FHIT: variants seen among roughly 807,000 people sequenced by gnomAD.
FHIT encodes the protein fragile histidine triad diadenosine triphosphatase, also known as bis(5'-adenosyl)-triphosphatase.
FHIT carries 19 observed loss-of-function variants against 17.9 expected under a neutral mutation model. The ratio of observed to expected loss-of-function variants is 1.06; its 90% CI spans 0.74 to 1.56. The LOEUF is 1.56. Among genes scored for constraint, FHIT ranks in the 40% most tolerant of loss-of-function variants. FHIT has a pLI of 0.00. For synonymous variants in FHIT, 81 were observed against 69.7 expected (o/e 1.16, Z -0.81); for missense variants, 248 against 189.2 (o/e 1.31, Z -1.82).
chr3:60,476,417 T>A (rs777885485), intron 5 of FHIT, among the ~76,000 whole-genome samples: 1 of 152,176 alleles, frequency 6.6e-6, no homozygotes, highest in Non-Finnish European at 1.5e-5. Flanking sequence ...GAAACTTTAT[T>A]TGAAAAAGTA....
intron 1 of FHIT, among the ~76,000 whole-genome samples, chr3:61,246,440 C>T (rs1006729206): frequency 6.6e-6 from 1 of 152,130 alleles, no homozygotes; most frequent in Non-Finnish European, 1.5e-5. Flanking sequence ...AGCTATACAT[C>T]CATACTTTTA....
chr3:60,470,058 T>TTCTTTCTCTCTCTCTCTC (rs1323971036), intron 5 of FHIT, among the ~76,000 whole-genome samples: 18 of 142,938 alleles, frequency 1.3e-4, no homozygotes, highest in African/African-American at 4.6e-4. Flanking sequence ...CTCTCTTTCT[T>TTCTTTCTCTCTCTCTCTC]TCTCTCTCTC....
chr3:60,517,181 G>T (rs574431293), intron 5 of FHIT, among the ~76,000 whole-genome samples: 26 of 152,260 alleles, frequency 1.7e-4, no homozygotes, highest in African/African-American at 6.0e-4. Flanking sequence ...TTAGGGTTAA[G>T]TTAAATATAT....
chr3:59,933,947 A>G (rs1405999423), intron 7 of FHIT, among the ~76,000 whole-genome samples: 1 of 152,160 alleles, frequency 6.6e-6, no homozygotes, highest in African/African-American at 2.4e-5. Flanking sequence ...GAAACCTCCA[A>G]CATGTTCAGA....
At chr3:60,754,361 T>A (rs1329711577) in intron 4 of FHIT, among the ~76,000 whole-genome samples, 21 of 152,304 alleles carry the variant, frequency 1.4e-4, no homozygotes, top group African/African-American at 4.8e-4. Context: ...ACAGGGGGAA[T>A]CTCACATACG....
intron 5 of FHIT, among the ~76,000 whole-genome samples, chr3:60,415,384 T>G (rs1207190250): frequency 1.3e-5 from 2 of 152,172 alleles, no homozygotes. Context: ...CTGACTCCAA[T>G]AATACATTTA....
chr3:60,457,833 C>T (rs538994711), intron 5 of FHIT, among the ~76,000 whole-genome samples: 47 of 151,880 alleles, frequency 3.1e-4, no homozygotes, highest in African/African-American at 1.1e-3. Context: ...CGTGAAAAAA[C>T]GCTCATCATC....
intron 5 of FHIT, among the ~76,000 whole-genome samples, chr3:60,098,114 C>G (rs78683793): frequency 0.62 from 86,926 of 139,498 alleles, 27,878 homozygotes; most frequent in East Asian, 0.97. Context: ...CCAGTCTATC[C>G]TTGTTGGACA....
intron 5 of FHIT, among the ~76,000 whole-genome samples, chr3:60,377,370 G>A (rs974330982): frequency 1.3e-5 from 2 of 151,418 alleles, no homozygotes; most frequent in Non-Finnish European, 1.5e-5. Flanking sequence ...TATTGGCCAG[G>A]ATGGTCTCAA....
chr3:60,150,351 G>C lies in FHIT; in HGVS notation c.104-136199C>G, dbSNP rs576715230. Among the ~76,000 whole-genome samples, 4 of 152,000 alleles carry C rather than the reference G, an allele frequency of 2.6e-5. No individual in the cohort carries two copies. In the East Asian group the frequency reaches 7.8e-4, roughly 30 times the overall value. ...AATACGGTACTGTAATTTCTCCTTGGGTATAAAATATATTGGAGTCAATCA... is the reference window on the plus strand; with the variant it reads ...AATACGGTACTGTAATTTCTCCTTGCGTATAAAATATATTGGAGTCAATCA... On this transcript the variant is annotated intron_variant, in intron 5 of 9. Coordinates refer to ENST00000492590, the MANE Select transcript of FHIT (RefSeq NM_002012.4).
intron 5 of FHIT, among the ~76,000 whole-genome samples, chr3:60,404,865 T>C (rs1290799927): frequency 6.6e-6 from 1 of 152,130 alleles, no homozygotes; most frequent in Non-Finnish European, 1.5e-5. Flanking sequence ...CAAGTTCCCA[T>C]TCAGCAAGGG....
chr3:60,813,234 G>A (rs1553736586), intron 4 of FHIT, among the ~76,000 whole-genome samples: 2 of 151,122 alleles, frequency 1.3e-5, no homozygotes. Context: ...AAGCACAAAG[G>A]CCCTCACCAG....
At position 60,472,369 on chromosome 3, in the gene FHIT, A is replaced by ATT. The variant is rs370195823; in HGVS notation, c.103+64489_103+64490dup. Among the ~76,000 whole-genome samples the ATT allele has an allele frequency of 6.7e-3, 899 of 134,540 alleles. 9 individuals carry two copies. The highest frequency in any genetic ancestry group is 0.013 in the South Asian group (53 of 4,178). The allele number at this position is 134,540 out of a possible 152,430, so 88.3% of individuals were successfully genotyped here. A position where few individuals can be genotyped will look rare whatever the true frequency, so the allele number is the denominator to read the frequency against. On this transcript the variant is annotated intron_variant, in intron 5 of 9. Coordinates refer to ENST00000492590, the MANE Select transcript of FHIT (RefSeq NM_002012.4). ...TTTGCAAAGTATTGTACAATGCTGT[A>ATT]TTTTTTTTTTTTTTTTTGAGACGAA...
intron 8 of FHIT, among the ~76,000 whole-genome samples, chr3:59,899,351 G>A (rs1704219622): frequency 6.6e-6 from 1 of 152,174 alleles, no homozygotes; most frequent in African/African-American, 2.4e-5. Flanking sequence ...GGGAGGCATG[G>A]AAAGGACTGA....
intron 1 of FHIT, among the ~76,000 whole-genome samples, chr3:61,216,732 T>C (rs1283727784): frequency 2.6e-5 from 4 of 152,108 alleles, no homozygotes; most frequent in Non-Finnish European, 4.4e-5. Context: ...TAGCAAAGAC[T>C]TGGAACCGAC....
chr3:60,567,189 A>C (rs1162990132), intron 4 of FHIT, among the ~76,000 whole-genome samples: 1 of 152,132 alleles, frequency 6.6e-6, no homozygotes. Flanking sequence ...TGGAGGCATC[A>C]CGCTACCTGA....
At chr3:60,488,129 C>G (rs751854208) in intron 5 of FHIT, among the ~76,000 whole-genome samples, 1 of 152,102 alleles carries the variant, frequency 6.6e-6, no homozygotes, top group Non-Finnish European at 1.5e-5. Flanking sequence ...AATGGTCTTA[C>G]GATTTAAATA....
At chr3:60,385,459 G>T (rs1700971265) in intron 5 of FHIT, among the ~76,000 whole-genome samples, 1 of 152,086 alleles carries the variant, frequency 6.6e-6, no homozygotes, top group Non-Finnish European at 1.5e-5. Flanking sequence ...AGACATAAAG[G>T]TGCTGAATAA....
chr3:60,987,330 G>A (rs779541061), intron 3 of FHIT, among the ~76,000 whole-genome samples: 5 of 152,194 alleles, frequency 3.3e-5, no homozygotes, highest in Non-Finnish European at 7.3e-5. Context: ...GGAAGGTTGT[G>A]GGTTTAGGGA....
Sources: gnomAD v4.1 joint callset for allele counts (sites outside exome capture counted in the v4.1 genomes callset) on GRCh38, gnomAD v4.1.1 for gene constraint, MANE v1.5 for transcripts, NCBI Gene and HGNC (gene_info 2026-07-23, HGNC 2026-07-21) for gene names.